The following CTNNA3 variants were observed in gnomAD, a reference collection of about 807,000 sequenced individuals.
The protein encoded by CTNNA3 is catenin alpha 3.
Under a neutral mutation model 95.7 loss-of-function variants are expected in CTNNA3, and 76 were observed. The ratio of observed to expected loss-of-function variants is 0.79; its 90% CI spans 0.66 to 0.96. The LOEUF (loss-of-function observed/expected upper bound fraction) is 0.96. Among genes scored for constraint, CTNNA3 ranks in the 40% least tolerant of loss-of-function variants. CTNNA3 has a pLI of 0.00. For synonymous variants in CTNNA3, 431 were observed against 374.4 expected (o/e 1.15, Z -1.74); for missense variants, 1,191 against 1,089.8 (o/e 1.09, Z -1.31).
At chr10:66,583,303 TTG>T (rs1843253303) in intron 10 of CTNNA3, among the ~76,000 whole-genome samples, 1 of 1,320 alleles carries the variant, frequency 7.6e-4, no homozygotes, top group African/African-American at 7.6e-3. Flanking sequence ...TTGGTTTTTG[TTG>T]TTGTTGTTGT....
At chr10:67,689,524 G>A (rs924161254) in intron 1 of CTNNA3, among the ~76,000 whole-genome samples, 5 of 152,134 alleles carry the variant, frequency 3.3e-5, no homozygotes, top group Non-Finnish European at 1.5e-5. Flanking sequence ...GCGAGAGGAA[G>A]TTTGTCTGAC....
chr10:67,278,686 A>G (rs1354148126), intron 5 of CTNNA3, among the ~76,000 whole-genome samples: 2 of 152,202 alleles, frequency 1.3e-5, no homozygotes, highest in Admixed American at 6.5e-5. Flanking sequence ...TCCTGGATCT[A>G]GAAAGAAAGG....
At chr10:66,491,538 T>C (rs182476666) in intron 11 of CTNNA3, among the ~76,000 whole-genome samples, 29 of 152,300 alleles carry the variant, frequency 1.9e-4, no homozygotes, top group African/African-American at 6.5e-4. Context: ...GAAAAAACCC[T>C]ACATATTTGC....
intron 12 of CTNNA3, among the ~76,000 whole-genome samples, chr10:66,287,905 G>T (rs1293441207): frequency 6.6e-6 from 1 of 152,052 alleles, no homozygotes; most frequent in Admixed American, 6.6e-5. Flanking sequence ...AGTTGGAAAA[G>T]CAGTATAAGG....
intron 10 of CTNNA3, among the ~76,000 whole-genome samples, chr10:66,573,927 C>T (rs1842937476): frequency 6.6e-6 from 1 of 152,000 alleles, no homozygotes; most frequent in South Asian, 2.1e-4. Context: ...ATGTACTTTA[C>T]AGATAAATAG....
chr10:66,543,179 G>T (rs1420188540), intron 10 of CTNNA3, among the ~76,000 whole-genome samples: 4 of 151,944 alleles, frequency 2.6e-5, no homozygotes, highest in African/African-American at 9.7e-5. Flanking sequence ...ATCAATCCCT[G>T]CCTCCCAGGT....
intron 5 of CTNNA3, among the ~76,000 whole-genome samples, chr10:67,521,592 C>G (rs982429272): frequency 1.3e-5 from 2 of 152,144 alleles, no homozygotes; most frequent in Non-Finnish European, 2.9e-5. Flanking sequence ...TTTCACAAAC[C>G]AGCAGGAATT....
intron 9 of CTNNA3, among the ~76,000 whole-genome samples, chr10:66,720,809 G>C (rs1309856000): frequency 6.6e-6 from 1 of 152,038 alleles, no homozygotes; most frequent in African/African-American, 2.4e-5. Context: ...CTCCAGCCTG[G>C]GTGACAGAGA....
At chr10:66,225,116 T>C (rs1480254962) in intron 13 of CTNNA3, among the ~76,000 whole-genome samples, 1 of 151,926 alleles carries the variant, frequency 6.6e-6, no homozygotes, top group Non-Finnish European at 1.5e-5. Flanking sequence ...CCCACAATGC[T>C]ATAGAACCCT....
intron 7 of CTNNA3, among the ~76,000 whole-genome samples, chr10:67,107,426 T>A (rs1858701313): frequency 6.6e-6 from 1 of 152,244 alleles, no homozygotes; most frequent in African/African-American, 2.4e-5. Context: ...TTTTGAAGAC[T>A]GATCCAGGCA....
At chr10:67,309,897 C>T (rs1840715201) in intron 5 of CTNNA3, among the ~76,000 whole-genome samples, 1 of 151,994 alleles carries the variant, frequency 6.6e-6, no homozygotes, top group African/African-American at 2.4e-5. Flanking sequence ...GAACTGTTAG[C>T]CTGCAAATGT....
chr10:66,223,109 CTTAAGCTGACCT>C (rs1057488120), intron 13 of CTNNA3, among the ~76,000 whole-genome samples: 3 of 151,990 alleles, frequency 2.0e-5, no homozygotes, highest in African/African-American at 7.2e-5. Flanking sequence ...TTATAATTTC[CTTAAGCTGACCT>C]TTAAGAACAT....
intron 1 of CTNNA3, among the ~76,000 whole-genome samples, chr10:67,726,633 A>AAT (rs1841229106): frequency 2.6e-4 from 17 of 64,472 alleles, no homozygotes; most frequent in African/African-American, 9.2e-4. Flanking sequence ...ATATTATATT[A>AAT]TATATAATAT....
intron 15 of CTNNA3, among the ~76,000 whole-genome samples, chr10:66,020,668 A>ATTTTTTTTTTTTT (rs10687414): frequency 1.5e-5 from 2 of 136,696 alleles, no homozygotes; most frequent in African/African-American, 5.5e-5. Flanking sequence ...GATGATCTGA[A>ATTTTTTTTTTTTT]TTTTTTTTTT....
chr10:66,042,416 T>C (rs1278273733), intron 15 of CTNNA3, among the ~76,000 whole-genome samples: 1 of 151,606 alleles, frequency 6.6e-6, no homozygotes, highest in Non-Finnish European at 1.5e-5. Context: ...AGAAAGAAAG[T>C]GGTGGGAAAA....
intron 5 of CTNNA3, among the ~76,000 whole-genome samples, chr10:67,376,642 T>G (rs1843700581): frequency 6.6e-6 from 1 of 152,244 alleles, no homozygotes; most frequent in African/African-American, 2.4e-5. Context: ...CTTTATGTTA[T>G]GCTATGGTTA....
chr10:67,235,200 C>T (rs1451416787), intron 5 of CTNNA3, among the ~76,000 whole-genome samples: 6 of 151,964 alleles, frequency 3.9e-5, no homozygotes, highest in South Asian at 2.1e-4. Context: ...GAGCCCGCAT[C>T]GCCAAGGCAA....
intron 7 of CTNNA3, among the ~76,000 whole-genome samples, chr10:67,158,332 G>C (rs1185018777): frequency 6.6e-6 from 1 of 151,976 alleles, no homozygotes; most frequent in East Asian, 1.9e-4. Flanking sequence ...GGGAATACTG[G>C]ACCCCCATTT....
At chr10:66,604,481 T>C (rs1036777766) in intron 10 of CTNNA3, among the ~76,000 whole-genome samples, 40 of 152,274 alleles carry the variant, frequency 2.6e-4, no homozygotes, top group African/African-American at 7.0e-4. Context: ...CCACTGCTGC[T>C]GACATACGCG....
Sources: allele counts gnomAD v4.1 joint callset (sites outside exome capture counted in the v4.1 genomes callset), GRCh38; gene constraint gnomAD v4.1.1; transcripts MANE v1.5; gene names NCBI Gene and HGNC (gene_info 2026-07-23, HGNC 2026-07-21).